Variants in SLC15A1 observed in about 807,000 individuals in gnomAD.
The protein encoded by SLC15A1 is solute carrier family 15 member 1, also known as Caco-2 oligopeptide transporter.
Under a neutral mutation model 92.9 loss-of-function variants are expected in SLC15A1, and 83 were observed. The ratio of observed to expected loss-of-function variants is 0.89; its 90% CI spans 0.75 to 1.07. SLC15A1 has a LOEUF of 1.07. Among genes scored for constraint, SLC15A1 ranks in the 50% least tolerant of loss-of-function variants. SLC15A1 has a pLI of 0.00. For synonymous variants in SLC15A1, 322 were observed against 318.2 expected (o/e 1.01, Z -0.13); for missense variants, 857 against 880.1 (o/e 0.97, Z 0.33).
intron 15 of SLC15A1, among the ~76,000 whole-genome samples, chr13:98,708,315 A>C (rs1220060549): frequency 6.6e-6 from 1 of 152,226 alleles, no homozygotes; most frequent in African/African-American, 2.4e-5. Context: ...ACTAGAATTC[A>C]AAATACATTC....
intron 15 of SLC15A1, among the ~76,000 whole-genome samples, chr13:98,706,510 C>T (rs753117205): frequency 1.3e-5 from 2 of 152,114 alleles, no homozygotes; most frequent in Non-Finnish European, 2.9e-5. Flanking sequence ...CCATAATTCC[C>T]GGGTGTTGTG....
chr13:98,690,409 T>C (rs536865518), intron 18 of SLC15A1, among the ~76,000 whole-genome samples: 2 of 152,250 alleles, frequency 1.3e-5, no homozygotes, highest in South Asian at 2.1e-4. Flanking sequence ...TGCTCTAGAC[T>C]GTAAGAGCTG....
At chr13:98,702,687 A>C (rs2088077736) in intron 17 of SLC15A1, among the ~76,000 whole-genome samples, 158 bp from the exon 18 acceptor site, 1 of 152,048 alleles carries the variant, frequency 6.6e-6, no homozygotes. Context: ...CGGGCACAGT[A>C]GCTCACACCT....
At chr13:98,688,425 A>C (rs369249116) in intron 19 of SLC15A1, 45 bp downstream of exon 19, 15 of 1,606,158 alleles carry the variant, frequency 9.3e-6, no homozygotes, top group African/African-American at 1.3e-5. Context: ...TTTTTAAAGA[A>C]AAATTCTTGA....
At chr13:98,722,634 CAG>C (rs1179306775) in intron 5 of SLC15A1, among the ~76,000 whole-genome samples, 1 of 152,144 alleles carries the variant, frequency 6.6e-6, no homozygotes, top group Non-Finnish European at 1.5e-5. Flanking sequence ...TTTTATGAGA[CAG>C]ATAAAGTCAA....
chr13:98,718,675 G>A (rs1271710236), intron 8 of SLC15A1, among the ~76,000 whole-genome samples: 1 of 152,136 alleles, frequency 6.6e-6, no homozygotes, highest in Non-Finnish European at 1.5e-5. Context: ...AATATGTGGT[G>A]GCCGGTGCCT....
At chr13:98,713,303 C>T (rs1301091127) in intron 9 of SLC15A1, among the ~76,000 whole-genome samples, 1 of 151,994 alleles carries the variant, frequency 6.6e-6, no homozygotes, top group Non-Finnish European at 1.5e-5. Flanking sequence ...CTCAGGCGAT[C>T]CACTCGCCTC....
At chr13:98,738,033 C>A (rs1013154643) in intron 1 of SLC15A1, among the ~76,000 whole-genome samples, 7 of 152,092 alleles carry the variant, frequency 4.6e-5, no homozygotes, top group Non-Finnish European at 1.0e-4. Context: ...TGTGTCCATG[C>A]CCTAGGAATT....
intron 5 of SLC15A1, among the ~76,000 whole-genome samples, chr13:98,723,204 G>T (rs2088273738): frequency 6.6e-6 from 1 of 152,128 alleles, no homozygotes; most frequent in African/African-American, 2.4e-5. Flanking sequence ...TTCCCTCTGG[G>T]CACCAAGAGT....
chr13:98,702,743 C>T (rs997810600), intron 17 of SLC15A1, among the ~76,000 whole-genome samples: 4 of 151,862 alleles, frequency 2.6e-5, no homozygotes, highest in African/African-American at 9.7e-5. Flanking sequence ...ATCACTTGAG[C>T]TTAGGAGTTT....
At chr13:98,712,691 A>G (rs1334758728) in intron 9 of SLC15A1, 107 bp from the exon 10 acceptor site, 1 of 714,736 alleles carries the variant, frequency 1.4e-6, no homozygotes, top group Non-Finnish European at 2.4e-6. Context: ...GTGTGAGAAA[A>G]GCAAAATATA....
At chr13:98,701,757 G>A (rs1176435431) in intron 18 of SLC15A1, among the ~76,000 whole-genome samples, 3 of 145,962 alleles carry the variant, frequency 2.1e-5, no homozygotes, top group African/African-American at 2.5e-5. Flanking sequence ...TGCAACCCCC[G>A]TCTACCAGGT....
In SLC15A1 at chr13:98,684,806, A is replaced by G. The variant is rs1046126447; in HGVS notation, c.2045T>C (p.Phe682Ser). ...YINPAEIEAQ[F>S]DEDEKKNRLE... ...TCTGTTTTTCTTTTCATCCTCATCA[A>G]ATTGAGCTTCGATCTCCGCTGGGTT... The change falls in exon 23 of 23, where the codon TTT (phenylalanine) becomes TCT (serine). Residue 682 changes from phenylalanine (F) to serine (S), a missense_variant. Physicochemically the swap from Phe to Ser is radical, Grantham distance 155. Transcript: ENST00000376503. 1.2e-6 allele frequency: 2 copies of G among 1,613,940 alleles called. No homozygotes were observed. Among genetic ancestry groups the G allele is most frequent in the African/African-American group, 2.7e-5 (2 of 74,868 alleles).
At chr13:98,739,564 C>T (rs180868829) in intron 1 of SLC15A1, among the ~76,000 whole-genome samples, 5 of 152,248 alleles carry the variant, frequency 3.3e-5, no homozygotes, top group African/African-American at 1.2e-4. Flanking sequence ...GTAGCACCTC[C>T]CTGCTCACTC....
At chr13:98,751,433 T>C (rs1368796961) in intron 1 of SLC15A1, among the ~76,000 whole-genome samples, 1 of 152,210 alleles carries the variant, frequency 6.6e-6, no homozygotes, top group Non-Finnish European at 1.5e-5. Context: ...TGGTATTTGA[T>C]GATCAACAGA....
chr13:98,730,487 C>T (rs1311531134), intron 1 of SLC15A1, among the ~76,000 whole-genome samples: 2 of 152,190 alleles, frequency 1.3e-5, no homozygotes, highest in Non-Finnish European at 2.9e-5. Context: ...CAGGGCAATA[C>T]ACCAAGAGCG....
In SLC15A1 at chr13:98,721,605, G is replaced by C. The variant is rs753160997; in HGVS notation, c.466-20C>G. 36 of 1,540,670 alleles carry C rather than the reference G, an allele frequency of 2.3e-5. No homozygotes were observed. In the Middle Eastern group the frequency reaches 5.1e-4, roughly 22 times the overall value. On this transcript the variant is annotated intron_variant, in intron 6 of 22. Transcript: ENST00000376503. ...TTTCTCCTGCAATGAAAAGGAGAAA[G>C]TAAGATGACTTTGGCTATCAATCCA...
Position 98,700,517 on chromosome 13 carries a change from C to T in SLC15A1, c.1466+1963G>A, listed in dbSNP as rs1204395819. On this transcript the variant is annotated intron_variant, in intron 18 of 22. Transcript: ENST00000376503. Reference sequence around the variant, plus strand: ...AAAAAAAAAAAAAAAAGGGTGACATCGACAGAACAAACATTTTTAGTTTTG... The same window carrying T: ...AAAAAAAAAAAAAAAAGGGTGACATTGACAGAACAAACATTTTTAGTTTTG... Among the ~76,000 whole-genome samples, 6 of 121,294 alleles carry T rather than the reference C, an allele frequency of 4.9e-5. 1 individual carries two copies. The highest frequency in any genetic ancestry group is 4.7e-4 in the East Asian group (2 of 4,252). The allele number at this position is 121,294 out of a possible 152,430, so 79.6% of individuals were successfully genotyped here. A position where few individuals can be genotyped will look rare whatever the true frequency, so the allele number is the denominator to read the frequency against.
intron 18 of SLC15A1, among the ~76,000 whole-genome samples, chr13:98,696,845 G>T (rs533612637): frequency 8.5e-5 from 13 of 152,248 alleles, no homozygotes; most frequent in Non-Finnish European, 1.5e-4. Context: ...TCCTTTAAAG[G>T]TGATTAGGAT....
Sources: gnomAD v4.1 joint callset for allele counts (sites outside exome capture counted in the v4.1 genomes callset) on GRCh38, gnomAD v4.1.1 for gene constraint, MANE v1.5 for transcripts, NCBI Gene and HGNC (gene_info 2026-07-23, HGNC 2026-07-21) for gene names.